PRKCE: variants seen among roughly 807,000 people sequenced by gnomAD.
PRKCE encodes the protein protein kinase C epsilon type.
A neutral mutation model predicts 85.4 loss-of-function variants in PRKCE; 16 were observed. That is an observed-to-expected ratio of 0.19 (90% CI 0.13 to 0.28). The LOEUF is 0.28. PRKCE is among the 10% of genes least tolerant of loss of function. The pLI, the probability that PRKCE is intolerant of heterozygous loss-of-function variation, is 1.00. For missense variants in PRKCE, 573 were observed against 975.2 expected (o/e 0.59, Z 5.49); for synonymous variants, 388 against 371.5 (o/e 1.04, Z -0.51).
intron 10 of PRKCE, among the ~76,000 whole-genome samples, chr2:46,051,314 A>C (rs535623116): frequency 3.1e-4 from 47 of 152,298 alleles, no homozygotes; most frequent in African/African-American, 1.1e-3. Flanking sequence ...AGCTGTCCAC[A>C]TGCCTCAGTG....
At chr2:45,663,141 G>A (rs1675753958) in intron 1 of PRKCE, among the ~76,000 whole-genome samples, 2 of 152,150 alleles carry the variant, frequency 1.3e-5, no homozygotes, top group African/African-American at 4.8e-5. Flanking sequence ...ACTCAAGATG[G>A]TCTATCGCAA....
At chr2:45,938,820 T>C (rs1699670353) in intron 2 of PRKCE, among the ~76,000 whole-genome samples, 3 of 152,212 alleles carry the variant, frequency 2.0e-5, no homozygotes, top group Admixed American at 6.5e-5. Flanking sequence ...CTCTCAAACA[T>C]TGGCCCTATT....
At chr2:46,078,069 A>G (rs1025331416) in intron 10 of PRKCE, 8 of 152,236 alleles carry the variant, frequency 5.3e-5, no homozygotes, top group Non-Finnish European at 7.3e-5. Context: ...TGTAGTAGTG[A>G]GGAATGAGGA....
At chr2:45,826,181 T>G (rs1336464895) in intron 1 of PRKCE, among the ~76,000 whole-genome samples, 42 of 152,156 alleles carry the variant, frequency 2.8e-4, no homozygotes. Context: ...GGCTCCAGGG[T>G]CAGTCCTCAT....
chr2:46,162,408 C>T (rs1213552620), intron 14 of PRKCE, among the ~76,000 whole-genome samples: 1 of 152,224 alleles, frequency 6.6e-6, no homozygotes, highest in East Asian at 1.9e-4. Flanking sequence ...GAGCTCCCAC[C>T]GATTTCAAAA....
At chr2:46,122,715 C>A (rs1449407265) in intron 11 of PRKCE, among the ~76,000 whole-genome samples, 2 of 152,018 alleles carry the variant, frequency 1.3e-5, no homozygotes, top group African/African-American at 4.8e-5. Context: ...TCTGTACATT[C>A]TTTCATTTAA....
At chr2:45,986,897 A>G (rs955398118) in intron 6 of PRKCE, among the ~76,000 whole-genome samples, 1 of 151,976 alleles carries the variant, frequency 6.6e-6, no homozygotes, top group African/African-American at 2.4e-5. Flanking sequence ...AGGTGAAGAG[A>G]GCAGAAGAGG....
In PRKCE at chr2:46,187,220, G is replaced by A. The variant is rs1278285825; in HGVS notation, c.*2339G>A. On this transcript the variant is annotated 3_prime_UTR_variant, in exon 15 of 15. Transcript: ENST00000306156. ...TTGTCCGAGGGCCTAGTGTTTGCAC[G>A]GCAGTGGGAACTGGGCCTTTCCTAC... The A allele has an allele frequency of 6.6e-6, 1 of 152,606 alleles. No homozygotes were observed. Among genetic ancestry groups the A allele is most frequent in the South Asian group, 2.1e-4 (1 of 4,832 alleles). 9.5% of individuals were successfully genotyped at this position (152,606 alleles called of 1,614,324 possible). A position where few individuals can be genotyped will look rare whatever the true frequency, so the allele number is the denominator to read the frequency against.
At position 45,652,497 on chromosome 2, in the gene PRKCE, C is replaced by T. The variant is rs1311987653; in HGVS notation, c.348+49C>T. ...TTCCGGGAACCCGGTTGTGGGGTCC[C>T]GGGGAAAGACTCGCTGGTCTTGATC... On this transcript the variant is annotated intron_variant, in intron 1 of 14. Transcript: ENST00000306156. The surrounding 1 kb of genome is among the most constrained non-coding windows in gnomAD (Gnocchi z 7.7). 9.4e-6 allele frequency: 14 copies of T among 1,488,900 alleles called. No individual in the cohort carries two copies. Among genetic ancestry groups the T allele is most frequent in the South Asian group, 2.5e-5 (2 of 81,092 alleles). The allele number at this position is 1,488,900 out of a possible 1,614,324, so 92.2% of individuals were successfully genotyped here.
At position 46,125,134 on chromosome 2, in the gene PRKCE, T is replaced by C. The variant is rs138280976; in HGVS notation, c.1593-19959T>C. Reference sequence around the variant, plus strand: ...TAAGCTTTAGAAAATTGGAATCTAATTGATTTACAGTTACACTTCTCTAAA... The same window carrying C: ...TAAGCTTTAGAAAATTGGAATCTAACTGATTTACAGTTACACTTCTCTAAA... On this transcript the variant is annotated intron_variant, in intron 11 of 14. Transcript: ENST00000306156. Among the ~76,000 whole-genome samples the C allele has an allele frequency of 2.2e-3, 332 of 152,320 alleles. 3 individuals carry two copies. Among genetic ancestry groups the C allele is most frequent in the Middle Eastern group, 0.014 (4 of 294 alleles).
intron 8 of PRKCE, among the ~76,000 whole-genome samples, chr2:46,006,085 C>T (rs1401212596): frequency 6.6e-6 from 1 of 152,222 alleles, no homozygotes; most frequent in Non-Finnish European, 1.5e-5. Flanking sequence ...GCCCCAGGGC[C>T]TCTGTTCATC....
At chr2:45,910,656 G>A (rs1311558283) in intron 2 of PRKCE, among the ~76,000 whole-genome samples, 1 of 152,192 alleles carries the variant, frequency 6.6e-6, no homozygotes, top group East Asian at 1.9e-4. Flanking sequence ...GCCCAGCTCA[G>A]TGTCTCACAG....
intron 10 of PRKCE, among the ~76,000 whole-genome samples, chr2:46,077,855 C>T (rs1177769719): frequency 1.3e-5 from 2 of 152,200 alleles, no homozygotes; most frequent in Non-Finnish European, 2.9e-5. Flanking sequence ...GGGACACTGA[C>T]TAGACAAGGC....
intron 11 of PRKCE, 60 bp downstream of exon 11, chr2:46,086,422 C>T (rs1391048065): frequency 1.3e-6 from 2 of 1,549,248 alleles, no homozygotes; most frequent in African/African-American, 2.7e-5. Flanking sequence ...GCTTCAGACA[C>T]TTGAACTGAC....
chr2:46,036,739 G>C (rs1000356644), intron 10 of PRKCE, among the ~76,000 whole-genome samples: 3 of 152,172 alleles, frequency 2.0e-5, no homozygotes, highest in African/African-American at 2.4e-5. Flanking sequence ...GGTAGGACTT[G>C]AGCTGATGAG....
chr2:45,658,357 C>T (rs952799101), intron 1 of PRKCE, among the ~76,000 whole-genome samples: 1 of 152,204 alleles, frequency 6.6e-6, no homozygotes, highest in Non-Finnish European at 1.5e-5. Context: ...AGTTAAGGAC[C>T]TGAGTTAGCC....
chr2:46,052,984 T>C (rs1231740330), intron 10 of PRKCE, among the ~76,000 whole-genome samples: 2 of 152,232 alleles, frequency 1.3e-5, no homozygotes, highest in African/African-American at 2.4e-5. Flanking sequence ...CAAAGTGGAT[T>C]ATAAACCTAA....
chr2:45,808,637 G>T (rs917130116), intron 1 of PRKCE, among the ~76,000 whole-genome samples: 1 of 152,200 alleles, frequency 6.6e-6, no homozygotes, highest in Non-Finnish European at 1.5e-5. Flanking sequence ...CTGGCACTGG[G>T]TTGGGTGGTG....
Position 45,697,724 on chromosome 2 carries a change from C to T in PRKCE, c.348+45276C>T, listed in dbSNP as rs1160116972. On this transcript the variant is annotated intron_variant, in intron 1 of 14. Transcript: ENST00000306156. This position sits in a 1 kb window ranked among gnomAD's most constrained non-coding sequence, Gnocchi z 4.2. The stretch of plus-strand genomic sequence containing the variant: ...TTTCTGGAAGTTACTTCCTGTTTCA[C>T]AGCCCCTCTCTTACTTTGAGGTTCC... Among the ~76,000 whole-genome samples the T allele has an allele frequency of 2.6e-5, 4 of 152,202 alleles. No individual in the cohort carries two copies. Among genetic ancestry groups the T allele is most frequent in the African/African-American group, 9.7e-5 (4 of 41,440 alleles).
Sources: gnomAD v4.1 joint callset for allele counts (sites outside exome capture counted in the v4.1 genomes callset) on GRCh38, gnomAD v4.1.1 for gene constraint, Gnocchi (gnomAD v3.1) non-coding constraint, MANE v1.5 for transcripts, NCBI Gene and HGNC (gene_info 2026-07-23, HGNC 2026-07-21) for gene names.